CREB3L2: variants seen among roughly 807,000 people sequenced by gnomAD.
The protein encoded by CREB3L2 is cAMP responsive element binding protein 3 like 2.
Under a neutral mutation model 57.2 loss-of-function variants are expected in CREB3L2, and 23 were observed. The observed-to-expected ratio is 0.40, with a 90% CI of 0.29 to 0.57. The LOEUF is 0.57. CREB3L2 is among the 20% of genes least tolerant of loss of function. The pLI is 0.42. For synonymous variants in CREB3L2, 268 were observed against 265.1 expected (o/e 1.01, Z -0.11); for missense variants, 628 against 634.7 (o/e 0.99, Z 0.11).
chr7:137,908,932 T>G (rs954671157), intron 4 of CREB3L2, among the ~76,000 whole-genome samples: 10 of 151,908 alleles, frequency 6.6e-5, no homozygotes, highest in Non-Finnish European at 1.5e-4. Context: ...GCCGAGATCA[T>G]GCTAAAATAC....
At chr7:137,899,437 C>A (rs1309314280) in intron 8 of CREB3L2, among the ~76,000 whole-genome samples, 2 of 152,226 alleles carry the variant, frequency 1.3e-5, no homozygotes, top group Admixed American at 1.3e-4. Flanking sequence ...GGGGCTGCTG[C>A]GGAAGCAAGT....
At chr7:137,965,942 A>G (rs1056783180) in intron 1 of CREB3L2, among the ~76,000 whole-genome samples, 31 of 152,282 alleles carry the variant, frequency 2.0e-4, no homozygotes, top group African/African-American at 7.2e-4. Context: ...GGTGCATCTC[A>G]CCCTAGAGTT....
intron 1 of CREB3L2, among the ~76,000 whole-genome samples, chr7:137,962,244 G>A (rs898315235): frequency 1.1e-4 from 16 of 152,152 alleles, no homozygotes; most frequent in African/African-American, 3.6e-4. Context: ...ACTAAAAGCT[G>A]TCTCTTGGTA....
intron 1 of CREB3L2, among the ~76,000 whole-genome samples, chr7:137,982,362 T>TA (rs1801725093): frequency 6.6e-6 from 1 of 152,138 alleles, no homozygotes; most frequent in Non-Finnish European, 1.5e-5. Context: ...TATGAAACTC[T>TA]AGTGAACCCC....
chr7:137,905,054 C>T (rs1223089749), intron 6 of CREB3L2, among the ~76,000 whole-genome samples: 1 of 151,772 alleles, frequency 6.6e-6, no homozygotes, highest in Non-Finnish European at 1.5e-5. Context: ...TAGAGTGACA[C>T]TAAGCTCTTG....
At position 137,879,239 on chromosome 7, in the gene CREB3L2, G is replaced by C; in HGVS notation, c.*1237C>G. 1 of 535,302 alleles carries C rather than the reference G, an allele frequency of 1.9e-6. No individual in the cohort carries two copies. Among genetic ancestry groups the C allele is most frequent in the Non-Finnish European group, 3.6e-6 (1 of 275,640 alleles). The allele number at this position is 535,302 out of a possible 1,614,324, so 33.2% of individuals were successfully genotyped here. The stretch of plus-strand genomic sequence containing the variant: ...ATCTCTTTGGGCGAGCTGCAAAGTA[G>C]CCAAACCTGACTACCAAAGGTAAGA... On this transcript the variant is annotated 3_prime_UTR_variant, in exon 12 of 12. Transcript: ENST00000330387.
chr7:137,881,986 A>G (rs1799302736), intron 11 of CREB3L2, among the ~76,000 whole-genome samples: 1 of 152,258 alleles, frequency 6.6e-6, no homozygotes, highest in African/African-American at 2.4e-5. Context: ...AATCATAAAC[A>G]TATATTGACA....
intron 8 of CREB3L2, among the ~76,000 whole-genome samples, chr7:137,890,355 A>G (rs1799507350): frequency 6.6e-6 from 1 of 152,244 alleles, no homozygotes; most frequent in African/African-American, 2.4e-5. Flanking sequence ...GGCTTTATTT[A>G]GAAAAATGGA....
At position 137,878,589 on chromosome 7, in the gene CREB3L2, C is replaced by T. The variant is rs947613541; in HGVS notation, c.*1887G>A. On this transcript the variant is annotated 3_prime_UTR_variant, in exon 12 of 12. Transcript: ENST00000330387. Reference sequence around the variant, plus strand: ...CCTGCACAGCTCAGACAGTCTCCGCCCTGGCTAATGGGAGGGACAACAAGA... The same window carrying T: ...CCTGCACAGCTCAGACAGTCTCCGCTCTGGCTAATGGGAGGGACAACAAGA... The T allele has an allele frequency of 8.6e-6, 2 of 233,608 alleles. No individual in the cohort carries two copies. The highest frequency in any genetic ancestry group is 1.7e-5 in the Non-Finnish European group (2 of 118,466). The allele number at this position is 233,608 out of a possible 1,614,324, so 14.5% of individuals were successfully genotyped here. A position where few individuals can be genotyped will look rare whatever the true frequency, so the allele number is the denominator to read the frequency against.
intron 1 of CREB3L2, among the ~76,000 whole-genome samples, chr7:137,935,649 A>G (rs1800763770): frequency 6.6e-6 from 1 of 152,170 alleles, no homozygotes; most frequent in Non-Finnish European, 1.5e-5. Context: ...GAGATCATAG[A>G]TCGTAGATAG....
At chr7:137,962,985 C>T (rs1295782020) in intron 1 of CREB3L2, among the ~76,000 whole-genome samples, 1 of 152,226 alleles carries the variant, frequency 6.6e-6, no homozygotes, top group East Asian at 1.9e-4. Context: ...ATTTTGGATA[C>T]TGATCTGACA....
At chr7:137,940,083 T>C (rs1312127950) in intron 1 of CREB3L2, among the ~76,000 whole-genome samples, 1 of 152,204 alleles carries the variant, frequency 6.6e-6, no homozygotes, top group Non-Finnish European at 1.5e-5. Context: ...TCAACCCTTT[T>C]ACATGCTCAT....
intron 8 of CREB3L2, among the ~76,000 whole-genome samples, chr7:137,899,094 A>AGG (rs1799690173): frequency 5.2e-5 from 7 of 135,406 alleles, no homozygotes; most frequent in South Asian, 4.9e-4. Context: ...GAAAAAGGAA[A>AGG]GAGAAGGAAG....
At chr7:137,919,694 A>G (rs111915197) in intron 2 of CREB3L2, among the ~76,000 whole-genome samples, 8 of 152,376 alleles carry the variant, frequency 5.3e-5, no homozygotes, top group African/African-American at 1.4e-4. Flanking sequence ...GGTTAAGTCA[A>G]TTATGGTGCA....
chr7:137,886,941 T>C (rs1056439265), intron 8 of CREB3L2, among the ~76,000 whole-genome samples: 2 of 151,756 alleles, frequency 1.3e-5, no homozygotes, highest in African/African-American at 4.8e-5. Context: ...CCGGGAAGAG[T>C]TCCCTGTGAG....
intron 6 of CREB3L2, among the ~76,000 whole-genome samples, chr7:137,904,785 G>T (rs1280000386): frequency 6.6e-6 from 1 of 151,138 alleles, no homozygotes; most frequent in East Asian, 2.0e-4. Context: ...GTTGCAGTGA[G>T]CCGAGATCAT....
chr7:137,981,866 AG>A (rs1230222075), intron 1 of CREB3L2, among the ~76,000 whole-genome samples: 8 of 152,222 alleles, frequency 5.3e-5, no homozygotes, highest in Non-Finnish European at 1.0e-4. Context: ...AAGTCAACAA[AG>A]GGTTAGGTTT....
chr7:137,981,104 A>G (rs868751116), intron 1 of CREB3L2, among the ~76,000 whole-genome samples: 8 of 152,162 alleles, frequency 5.3e-5, no homozygotes, highest in African/African-American at 1.9e-4. Flanking sequence ...ACCTGTCAGG[A>G]CTGAGCAAAG....
At chr7:137,885,296 A>G in intron 9 of CREB3L2, 107 bp downstream of exon 9, 1 of 1,203,668 alleles carries the variant, frequency 8.3e-7, no homozygotes, top group Non-Finnish European at 1.2e-6. Context: ...GAGTTCCTCC[A>G]TGTGGTTTCT....
Sources: gnomAD v4.1 joint callset for allele counts (sites outside exome capture counted in the v4.1 genomes callset) on GRCh38, gnomAD v4.1.1 for gene constraint, MANE v1.5 for transcripts, NCBI Gene and HGNC (gene_info 2026-07-23, HGNC 2026-07-21) for gene names.